SLC35F1: variants seen among roughly 807,000 people sequenced by gnomAD.
The protein encoded by SLC35F1 is solute carrier family 35 member F1.
Under a neutral mutation model 48.7 loss-of-function variants are expected in SLC35F1, and 14 were observed. That is an observed-to-expected ratio of 0.29 (90% CI 0.19 to 0.45). The LOEUF (loss-of-function observed/expected upper bound fraction) is 0.45. Among genes scored for constraint, SLC35F1 ranks in the 20% least tolerant of loss-of-function variants. The pLI is 1.00. For missense variants in SLC35F1, 404 were observed against 500.0 expected, an observed-to-expected ratio of 0.81 and a Z score of 1.83; for synonymous variants, 190 against 202.2, an observed-to-expected ratio of 0.94 and a Z score of 0.51.
At chr6:118,289,829 T>G (rs942391809) in intron 7 of SLC35F1, among the ~76,000 whole-genome samples, 1 of 152,226 alleles carries the variant, frequency 6.6e-6, no homozygotes, top group Non-Finnish European at 1.5e-5. Flanking sequence ...TTATGCATCA[T>G]ATATGCTAAT....
intron 1 of SLC35F1, among the ~76,000 whole-genome samples, chr6:117,985,491 G>C (rs1360505234): frequency 6.6e-6 from 1 of 152,162 alleles, no homozygotes; most frequent in African/African-American, 2.4e-5. Context: ...TTGTTGTGTA[G>C]AAAAATGCAA....
At chr6:118,101,912 A>G (rs964942110) in intron 1 of SLC35F1, among the ~76,000 whole-genome samples, 1 of 152,212 alleles carries the variant, frequency 6.6e-6, no homozygotes, top group Admixed American at 6.5e-5. Context: ...TATGAGTTTA[A>G]TCAGGATTTC....
intron 1 of SLC35F1, among the ~76,000 whole-genome samples, chr6:118,152,919 A>G (rs1337046264): frequency 1.3e-5 from 2 of 152,174 alleles, no homozygotes; most frequent in Non-Finnish European, 2.9e-5. Flanking sequence ...TTAAACATGG[A>G]TGTTTAAAAG....
chr6:118,042,229 T>G (rs1772233873), intron 1 of SLC35F1, among the ~76,000 whole-genome samples: 1 of 152,142 alleles, frequency 6.6e-6, no homozygotes, highest in Non-Finnish European at 1.5e-5. Context: ...AATACAAAGA[T>G]AAATAAGACA....
chr6:118,251,879 C>T (rs1298560571), intron 3 of SLC35F1, among the ~76,000 whole-genome samples: 1 of 152,132 alleles, frequency 6.6e-6, no homozygotes, highest in African/African-American at 2.4e-5. Flanking sequence ...CCTCATGAAG[C>T]TTCCTTCCTA....
intron 7 of SLC35F1, among the ~76,000 whole-genome samples, chr6:118,294,304 A>T (rs1346792505): frequency 2.0e-5 from 3 of 152,150 alleles, no homozygotes; most frequent in African/African-American, 7.2e-5. Context: ...GATTTCTTTG[A>T]TTCCTTTATT....
intron 1 of SLC35F1, among the ~76,000 whole-genome samples, chr6:118,102,948 A>G (rs1249808573): frequency 2.0e-5 from 3 of 152,108 alleles, no homozygotes; most frequent in Non-Finnish European, 4.4e-5. Context: ...TTTGTGCTTA[A>G]TAGTCTGGAG....
chr6:118,063,321 C>T (rs1037365006), intron 1 of SLC35F1, among the ~76,000 whole-genome samples: 1 of 152,076 alleles, frequency 6.6e-6, no homozygotes, highest in Non-Finnish European at 1.5e-5. Context: ...TCTTTCTTTT[C>T]TGTGTATGCT....
At chr6:117,984,936 A>G (rs1048935753) in intron 1 of SLC35F1, among the ~76,000 whole-genome samples, 2 of 152,230 alleles carry the variant, frequency 1.3e-5, no homozygotes, top group Non-Finnish European at 2.9e-5. Flanking sequence ...CTCATTGGCT[A>G]ACAACTCAAT....
chr6:118,129,250 G>C (rs908141832), intron 1 of SLC35F1, among the ~76,000 whole-genome samples: 1 of 152,172 alleles, frequency 6.6e-6, no homozygotes, highest in African/African-American at 2.4e-5. Flanking sequence ...TGATAATAGG[G>C]TCTTAGGTGG....
intron 1 of SLC35F1, among the ~76,000 whole-genome samples, chr6:117,913,912 G>A (rs1017883330): frequency 9.2e-5 from 14 of 151,936 alleles, no homozygotes; most frequent in Admixed American, 2.0e-4. Context: ...TTATCTGGGC[G>A]TGGTGGTATG....
chr6:117,978,599 G>T (rs1360425600), intron 1 of SLC35F1, among the ~76,000 whole-genome samples: 1 of 152,002 alleles, frequency 6.6e-6, no homozygotes, highest in African/African-American at 2.4e-5. Context: ...TTGACTCCTA[G>T]CTTGCTTCAG....
intron 1 of SLC35F1, among the ~76,000 whole-genome samples, chr6:118,124,851 A>C (rs905453084): frequency 7.9e-5 from 12 of 152,218 alleles, no homozygotes; most frequent in Admixed American, 5.9e-4. Flanking sequence ...TTACAATTTT[A>C]AATGCCATTC....
chr6:117,956,381 A>T (rs1776426477), intron 1 of SLC35F1, among the ~76,000 whole-genome samples: 1 of 152,194 alleles, frequency 6.6e-6, no homozygotes, highest in Non-Finnish European at 1.5e-5. Context: ...AGAACATATA[A>T]GGGGCAATGC....
chr6:118,305,047 A>AGTGT lies in SLC35F1; in HGVS notation c.1003-8981_1003-8980insGTGT, dbSNP rs1562356999. 4.2e-4 allele frequency among the ~76,000 whole-genome samples: 29 copies of AGTGT among 68,724 alleles called. 1 individual carries two copies. The highest frequency in any genetic ancestry group is 2.3e-3 in the Admixed American group (18 of 7,876). 45.1% of individuals were successfully genotyped at this position (68,724 alleles called of 152,430 possible). A position where few individuals can be genotyped will look rare whatever the true frequency, so the allele number is the denominator to read the frequency against. The stretch of plus-strand genomic sequence containing the variant: ...TTAGCAGAGAAACAGAATCAACAGG[A>AGTGT]ATGTGTGTGTGTGTGTGTGTGTGTG... On this transcript the variant is annotated intron_variant, in intron 7 of 7. Coordinates refer to ENST00000360388, the MANE Select transcript of SLC35F1 (RefSeq NM_001029858.4).
intron 1 of SLC35F1, among the ~76,000 whole-genome samples, chr6:118,063,610 A>G (rs1360538935): frequency 6.6e-6 from 1 of 152,276 alleles, no homozygotes; most frequent in East Asian, 1.9e-4. Flanking sequence ...TGTGTATACA[A>G]TTGGGCACTG....
At chr6:117,973,518 G>A (rs1185726354) in intron 1 of SLC35F1, among the ~76,000 whole-genome samples, 1 of 151,804 alleles carries the variant, frequency 6.6e-6, no homozygotes, top group Non-Finnish European at 1.5e-5. Flanking sequence ...ACATTGCAAG[G>A]TCAAAACTTG....
At chr6:118,289,672 A>G (rs1776093980) in intron 7 of SLC35F1, among the ~76,000 whole-genome samples, 1 of 152,134 alleles carries the variant, frequency 6.6e-6, no homozygotes, top group Non-Finnish European at 1.5e-5. Flanking sequence ...ATGTCTCTAT[A>G]TTATATAAGC....
chr6:118,141,122 C>T (rs964914272), intron 1 of SLC35F1, among the ~76,000 whole-genome samples: 21 of 152,190 alleles, frequency 1.4e-4, no homozygotes, highest in African/African-American at 4.8e-4. Flanking sequence ...CATTCACTCA[C>T]CACTCACTCA....
Sources: gnomAD v4.1 joint callset for allele counts (sites outside exome capture counted in the v4.1 genomes callset) on GRCh38, gnomAD v4.1.1 for gene constraint, MANE v1.5 for transcripts, NCBI Gene and HGNC (gene_info 2026-07-23, HGNC 2026-07-21) for gene names.